RNLS: variants seen among roughly 807,000 people sequenced by gnomAD.
RNLS encodes the protein renalase, FAD dependent amine oxidase.
In RNLS, 39 loss-of-function variants were observed where a neutral mutation model predicts 39.8. The observed-to-expected ratio is 0.98, with a 90% CI of 0.76 to 1.28. The LOEUF is 1.28. RNLS is among the 50% of genes most tolerant of loss of function. The probability of loss-of-function intolerance (pLI) is 0.00; values close to 1 mark genes in which losing one functional copy is unlikely to be tolerated. For synonymous variants in RNLS, 147 were observed against 150.7 expected (o/e 0.98, Z 0.18); for missense variants, 410 against 413.3 (o/e 0.99, Z 0.07).
rs116166083 is a variant in RNLS at position 88,430,785 on chromosome 10, A to T, written c.527-68060T>A. Among the ~76,000 whole-genome samples, 359 of 151,910 alleles carry T rather than the reference A, an allele frequency of 2.4e-3. 1 individual carries two copies. The highest frequency in any genetic ancestry group is 8.3e-3 in the African/African-American group (343 of 41,532). ...ATTTTTCTAGTTTTTTAATATGGTG[A>T]GTTAAATTAAATTTTGAATGTTAGA... On this transcript the variant is annotated intron_variant, in intron 4 of 6. Coordinates refer to ENST00000331772, the MANE Select transcript of RNLS (RefSeq NM_001031709.3).
At chr10:88,346,472 A>G (rs1436376610) in intron 5 of RNLS, among the ~76,000 whole-genome samples, 1 of 152,192 alleles carries the variant, frequency 6.6e-6, no homozygotes, top group Non-Finnish European at 1.5e-5. Flanking sequence ...GAACTCACAT[A>G]TGCTTTTCAG....
intron 4 of RNLS, among the ~76,000 whole-genome samples, chr10:88,407,955 G>C (rs1853390428): frequency 6.6e-6 from 1 of 152,044 alleles, no homozygotes; most frequent in Non-Finnish European, 1.5e-5. Flanking sequence ...CTACTTTTGT[G>C]CTGGATTTTT....
At chr10:88,409,482 G>C (rs1853520431) in intron 4 of RNLS, among the ~76,000 whole-genome samples, 1 of 152,114 alleles carries the variant, frequency 6.6e-6, no homozygotes, top group Non-Finnish European at 1.5e-5. Flanking sequence ...GATTCTGTGA[G>C]TCATGAGAGT....
At chr10:88,216,794 A>T in the RNLS span, among the ~76,000 whole-genome samples, 13 of 152,292 alleles carry the variant, frequency 8.5e-5, no homozygotes, top group East Asian at 2.5e-3. Flanking sequence ...CAACAAAAAA[A>T]CCCGGGTGTT....
chr10:88,255,860 T>C, the RNLS span, among the ~76,000 whole-genome samples: 5 of 152,216 alleles, frequency 3.3e-5, no homozygotes, highest in African/African-American at 9.6e-5. Context: ...AGCACATCTC[T>C]TCAGAAATGC....
chr10:88,431,864 C>T (rs1009380157), intron 4 of RNLS, among the ~76,000 whole-genome samples: 1 of 151,630 alleles, frequency 6.6e-6, no homozygotes, highest in South Asian at 2.1e-4. Flanking sequence ...AGTTTACTGA[C>T]AATGTCTTTA....
intron 4 of RNLS, among the ~76,000 whole-genome samples, chr10:88,366,146 A>C (rs188352061): frequency 1.3e-5 from 2 of 152,314 alleles, no homozygotes; most frequent in Middle Eastern, 3.4e-3. Context: ...AAGAACTATA[A>C]GGAAAAATAA....
intron 4 of RNLS, among the ~76,000 whole-genome samples, chr10:88,454,978 C>T (rs1173789827): frequency 6.6e-6 from 1 of 152,124 alleles, no homozygotes. Context: ...AGGCAGATAA[C>T]AGATATACTA....
In RNLS at chr10:88,455,912, G is replaced by C. The variant is rs188074230; in HGVS notation, c.527-93187C>G. Among the ~76,000 whole-genome samples the C allele has an allele frequency of 7.4e-4, 112 of 152,244 alleles. 1 individual carries two copies. Among genetic ancestry groups the C allele is most frequent in the South Asian group, 7.0e-3 (34 of 4,824 alleles). ...TGATCTTTTTGTTTTAAAATGAATA[G>C]TAATCTACCTCCATTAAAAGCCTCC... is the stretch of plus-strand genomic sequence containing the variant. On this transcript the variant is annotated intron_variant, in intron 4 of 6. Transcript: ENST00000331772.
intron 5 of RNLS, among the ~76,000 whole-genome samples, chr10:88,355,375 C>T (rs988989533): frequency 1.2e-4 from 19 of 152,212 alleles, no homozygotes; most frequent in South Asian, 4.1e-4. Flanking sequence ...ATGATGCTGA[C>T]GTACAGATGG....
At chr10:88,501,019 C>G (rs200085170) in intron 4 of RNLS, among the ~76,000 whole-genome samples, 12 of 150,114 alleles carry the variant, frequency 8.0e-5, no homozygotes, top group East Asian at 3.9e-4. Context: ...ATATATATCT[C>G]TGTGTGTGTG....
chr10:88,255,012 ACCC>A, the RNLS span, among the ~76,000 whole-genome samples: 1 of 152,168 alleles, frequency 6.6e-6, no homozygotes, highest in Admixed American at 6.5e-5. Flanking sequence ...CCGTCAAGTG[ACCC>A]CATATAGACA....
At chr10:88,235,267 CAAA>C in the RNLS span, among the ~76,000 whole-genome samples, 13 of 61,920 alleles carry the variant, frequency 2.1e-4, no homozygotes, top group African/African-American at 8.9e-4. Context: ...GACTCTATCT[CAAA>C]AAAAAAAAAA....
At chr10:88,565,695 T>A (rs1849452760) in intron 4 of RNLS, among the ~76,000 whole-genome samples, 1 of 151,700 alleles carries the variant, frequency 6.6e-6, no homozygotes, top group African/African-American at 2.4e-5. Flanking sequence ...AAAGAAGATC[T>A]ATTTCTTTTC....
At chr10:88,399,678 T>C (rs1230201622) in intron 4 of RNLS, among the ~76,000 whole-genome samples, 1 of 152,076 alleles carries the variant, frequency 6.6e-6, no homozygotes, top group Non-Finnish European at 1.5e-5. Context: ...GAAAATATTC[T>C]AGAATTATAC....
chr10:88,519,712 TCACATATATA>T, intron 4 of RNLS, among the ~76,000 whole-genome samples: 1 of 147,318 alleles, frequency 6.8e-6, no homozygotes, highest in Non-Finnish European at 1.5e-5. Flanking sequence ...CTGATATATA[TCACATATATA>T]TGATATATAT....
the RNLS span, among the ~76,000 whole-genome samples, chr10:88,174,293 A>G: frequency 6.6e-6 from 1 of 151,590 alleles, no homozygotes; most frequent in Non-Finnish European, 1.5e-5. Context: ...ACTGTGTTGG[A>G]TAAGAGCAGT....
intron 4 of RNLS, among the ~76,000 whole-genome samples, chr10:88,531,174 T>G (rs1847401591): frequency 6.6e-6 from 1 of 152,094 alleles, no homozygotes; most frequent in Non-Finnish European, 1.5e-5. Context: ...CATCTGATTT[T>G]AGTTTTCAGG....
chr10:88,409,603 A>AG (rs1853530865), intron 4 of RNLS, among the ~76,000 whole-genome samples: 1 of 152,098 alleles, frequency 6.6e-6, no homozygotes. Context: ...AGATTTTCAA[A>AG]GGATTATATA....
Sources: gnomAD v4.1 joint callset for allele counts (sites outside exome capture counted in the v4.1 genomes callset) on GRCh38, gnomAD v4.1.1 for gene constraint, MANE v1.5 for transcripts, NCBI Gene and HGNC (gene_info 2026-07-23, HGNC 2026-07-21) for gene names.